Variants in RGS7 observed in about 807,000 individuals in gnomAD.
RGS7 encodes regulator of G protein signaling 7.
A neutral mutation model predicts 81.1 loss-of-function variants in RGS7; 27 were observed. That is an observed-to-expected ratio of 0.33 (90% CI 0.25 to 0.46). The LOEUF is 0.46. RGS7 is among the 20% of genes least tolerant of loss of function. The probability of loss-of-function intolerance (pLI) is 1.00; values close to 1 mark genes in which losing one functional copy is unlikely to be tolerated. For synonymous variants in RGS7, 208 were observed against 207.7 expected, an observed-to-expected ratio of 1.00 and a Z score of -0.01; for missense variants, 396 against 607.4, an observed-to-expected ratio of 0.65 and a Z score of 3.66.
intron 6 of RGS7, among the ~76,000 whole-genome samples, chr1:240,896,153 G>A (rs1669059740): frequency 6.6e-6 from 1 of 152,140 alleles, no homozygotes; most frequent in South Asian, 2.1e-4. Context: ...TTGTAAGTTT[G>A]TTTAAGTTCT....
chr1:240,998,600 C>T, intron 3 of RGS7: 1 of 849,714 alleles, frequency 1.2e-6, no homozygotes, highest in South Asian at 1.3e-5. Flanking sequence ...CCAGGTCCAC[C>T]AGCCCCTACA....
At chr1:240,908,470 T>A (rs1382244) in intron 6 of RGS7, among the ~76,000 whole-genome samples, 49,325 of 152,004 alleles carry the variant, frequency 0.32, 8,676 homozygotes, top group East Asian at 0.51. Context: ...TAAGCCCACA[T>A]GAACAAATGA....
chr1:241,182,362 A>C (rs975791522), intron 2 of RGS7, among the ~76,000 whole-genome samples: 1 of 152,206 alleles, frequency 6.6e-6, no homozygotes, highest in African/African-American at 2.4e-5. Flanking sequence ...TTTGCTCTAA[A>C]AATGGAGACA....
At chr1:241,173,973 C>T (rs767988348) in intron 2 of RGS7, among the ~76,000 whole-genome samples, 2 of 152,136 alleles carry the variant, frequency 1.3e-5, no homozygotes, top group Admixed American at 6.5e-5. Flanking sequence ...TGTGAAAGCA[C>T]CATTCATGCT....
chr1:240,888,224 G>A (rs1667701607), intron 6 of RGS7, among the ~76,000 whole-genome samples: 2 of 152,166 alleles, frequency 1.3e-5, no homozygotes, highest in Non-Finnish European at 1.5e-5. Context: ...TACCTGCAGA[G>A]GGCGCCATTG....
At chr1:240,885,249 C>T (rs1223212559) in intron 6 of RGS7, among the ~76,000 whole-genome samples, 5 of 151,966 alleles carry the variant, frequency 3.3e-5, no homozygotes, top group African/African-American at 1.2e-4. Flanking sequence ...AGTCAAAAAA[C>T]AACAGATGCT....
rs1688815012 is a variant in RGS7 at position 240,806,179 on chromosome 1, G to A, written c.1230C>T (p.Asn410=). ...ATGTGTATCGTCCAGGTTCCTTCAC[G>A]TTCTGTGTGGTTTTGTCATAACTCT... ...DSKSYDKTTQ[N]VKEPGRYTFE... is the part of the protein sequence containing the mutation. Residue 410 remains asparagine (N), a synonymous_variant, in exon 15 of 19, where the codon AAC becomes AAT. Coordinates refer to ENST00000440928, the MANE Select transcript of RGS7 (RefSeq NM_001364886.1). The A allele has an allele frequency of 5.0e-6, 8 of 1,613,982 alleles. No individual in the cohort carries two copies. Among genetic ancestry groups the A allele is most frequent in the African/African-American group, 2.7e-5 (2 of 75,006 alleles).
intron 2 of RGS7, among the ~76,000 whole-genome samples, chr1:241,226,881 T>C (rs775094978): frequency 6.6e-6 from 1 of 152,254 alleles, no homozygotes; most frequent in African/African-American, 2.4e-5. Flanking sequence ...TTTCAGAAAC[T>C]ACATTGTAAT....
intron 18 of RGS7, among the ~76,000 whole-genome samples, chr1:240,779,852 T>C (rs916808898): frequency 2.0e-5 from 3 of 152,210 alleles, no homozygotes; most frequent in Non-Finnish European, 4.4e-5. Context: ...TACCTCATTA[T>C]ACTATCATTA....
intron 2 of RGS7, among the ~76,000 whole-genome samples, chr1:241,232,939 C>T (rs1357536051): frequency 2.6e-5 from 4 of 151,948 alleles, no homozygotes; most frequent in Non-Finnish European, 5.9e-5. Context: ...TGCTAGCATA[C>T]AGGATTAAAT....
chr1:241,064,936 A>T (rs2061975133), intron 3 of RGS7, among the ~76,000 whole-genome samples: 1 of 152,080 alleles, frequency 6.6e-6, no homozygotes, highest in African/African-American at 2.4e-5. Context: ...TCAAAAAAAA[A>T]GGATGCAAGA....
intron 2 of RGS7, among the ~76,000 whole-genome samples, chr1:241,102,909 C>T (rs1407047926): frequency 6.6e-6 from 1 of 150,822 alleles, no homozygotes; most frequent in Non-Finnish European, 1.5e-5. Context: ...CACTCAGAGT[C>T]TATTAATTTT....
At chr1:241,343,131 G>A (rs1375183025) in intron 2 of RGS7, among the ~76,000 whole-genome samples, 3 of 152,026 alleles carry the variant, frequency 2.0e-5, no homozygotes, top group Non-Finnish European at 2.9e-5. Context: ...GCATGGTGGT[G>A]CGCACCTGTA....
chr1:241,335,386 A>T (rs546760288), intron 2 of RGS7, among the ~76,000 whole-genome samples: 23 of 151,924 alleles, frequency 1.5e-4, no homozygotes, highest in East Asian at 9.6e-4. Flanking sequence ...ATGTTTAATG[A>T]TTCTGGAATT....
At chr1:241,075,440 T>G (rs2062735918) in intron 3 of RGS7, among the ~76,000 whole-genome samples, 1 of 152,170 alleles carries the variant, frequency 6.6e-6, no homozygotes, top group South Asian at 2.1e-4. Context: ...AAGGAGACCC[T>G]TCTATGTGCA....
At chr1:240,834,804 C>T (rs527423015) in intron 9 of RGS7, among the ~76,000 whole-genome samples, 1 of 152,272 alleles carries the variant, frequency 6.6e-6, no homozygotes, top group East Asian at 1.9e-4. Flanking sequence ...AGCCACCGCG[C>T]CCAGCCCGAC....
At chr1:241,154,906 A>T (rs759399906) in intron 2 of RGS7, among the ~76,000 whole-genome samples, 12 of 152,202 alleles carry the variant, frequency 7.9e-5, no homozygotes, top group Non-Finnish European at 1.5e-4. Flanking sequence ...AATAAAAAAT[A>T]AAAATACTGT....
intron 2 of RGS7, among the ~76,000 whole-genome samples, chr1:241,328,201 A>G (rs1479255568): frequency 6.6e-6 from 1 of 152,340 alleles, no homozygotes; most frequent in East Asian, 1.9e-4. Flanking sequence ...ATTCCTGTTC[A>G]CATTTTTTTG....
At chr1:241,244,816 T>G (rs1251360102) in intron 2 of RGS7, among the ~76,000 whole-genome samples, 3 of 151,888 alleles carry the variant, frequency 2.0e-5, no homozygotes, top group Non-Finnish European at 4.4e-5. Flanking sequence ...GGGACATGGA[T>G]GAAGCTGGAA....
Sources: allele counts gnomAD v4.1 joint callset (sites outside exome capture counted in the v4.1 genomes callset), GRCh38; gene constraint gnomAD v4.1.1; transcripts MANE v1.5; gene names NCBI Gene and HGNC (gene_info 2026-07-23, HGNC 2026-07-21).